The following MAGI3 variants were observed in gnomAD, a reference collection of about 807,000 sequenced individuals.
The protein encoded by MAGI3 is membrane-associated guanylate kinase, WW and PDZ domain-containing protein 3.
A neutral mutation model predicts 121.8 loss-of-function variants in MAGI3; 43 were observed. The observed-to-expected ratio is 0.35, with a 90% CI of 0.28 to 0.46. MAGI3 has a LOEUF of 0.46. Among genes scored for constraint, MAGI3 ranks in the 20% least tolerant of loss-of-function variants. The pLI is 1.00. For synonymous variants in MAGI3, 553 were observed against 639.3 expected (o/e 0.86, Z 2.04); for missense variants, 1,547 against 1,797.3 (o/e 0.86, Z 2.52).
intron 1 of MAGI3, among the ~76,000 whole-genome samples, chr1:113,517,278 T>A (rs1208766470): frequency 9.2e-5 from 14 of 151,944 alleles, no homozygotes; most frequent in Admixed American, 9.2e-4. Context: ...AACTCTATAC[T>A]ATCTTTACGA....
intron 6 of MAGI3, among the ~76,000 whole-genome samples, chr1:113,602,292 A>G (rs1649451747): frequency 6.6e-6 from 1 of 152,204 alleles, no homozygotes; most frequent in African/African-American, 2.4e-5. Context: ...GAATAAAACT[A>G]GAAATCAACT....
At chr1:113,671,661 C>A in intron 16 of MAGI3, 73 bp from the exon 17 acceptor site, 2 of 1,406,412 alleles carry the variant, frequency 1.4e-6, no homozygotes, top group Non-Finnish European at 2.0e-6. Context: ...TATTGTCTCA[C>A]CTTCACAGAT....
chr1:113,584,527 CT>C (rs149220325), intron 3 of MAGI3, among the ~76,000 whole-genome samples: 15,664 of 152,132 alleles, frequency 0.1, 1,035 homozygotes, highest in East Asian at 0.19. Context: ...CTCAGAAAAA[CT>C]TTTAAAAATT....
At chr1:113,575,268 A>G (rs1309844923) in intron 2 of MAGI3, among the ~76,000 whole-genome samples, 1 of 152,154 alleles carries the variant, frequency 6.6e-6, no homozygotes, top group Non-Finnish European at 1.5e-5. Flanking sequence ...GAGAAGAAGC[A>G]TTCTGGTTTT....
chr1:113,551,494 G>GT (rs953546234), intron 2 of MAGI3, among the ~76,000 whole-genome samples: 8 of 152,060 alleles, frequency 5.3e-5, no homozygotes, highest in Admixed American at 2.0e-4. Context: ...AATATTTTTT[G>GT]TTTTTTTAAT....
At chr1:113,443,794 TACAG>T (rs903703742) in intron 1 of MAGI3, among the ~76,000 whole-genome samples, 15 of 152,256 alleles carry the variant, frequency 9.9e-5, no homozygotes, top group African/African-American at 3.1e-4. Context: ...ACAAGTTTCT[TACAG>T]ACAGACTATA....
intron 1 of MAGI3, among the ~76,000 whole-genome samples, chr1:113,416,242 A>AATTAATGACACATATTAATTG (rs1557744275): frequency 8.2e-6 from 1 of 121,618 alleles, no homozygotes; most frequent in Non-Finnish European, 1.8e-5. Context: ...CATATTAATT[A>AATTAATGACACATATTAATTG]TGTAATTAAT....
At chr1:113,456,044 G>A (rs533558290) in intron 1 of MAGI3, among the ~76,000 whole-genome samples, 95 of 151,338 alleles carry the variant, frequency 6.3e-4, no homozygotes, top group African/African-American at 1.9e-3. Context: ...TCTGCCTCCC[G>A]GGTTCACGCC....
rs1204381283 is a variant in MAGI3 at position 113,619,830 on chromosome 1, G to C, written c.1171G>C (p.Asp391His). The change falls in exon 8 of 21, where the codon GAT (aspartate) becomes CAT (histidine). Residue 391 changes from aspartate to histidine, a missense_variant and splice_region_variant. By Grantham distance (81) the Asp-to-His change is moderately conservative. Transcript: ENST00000307546. ...GQVEIGSSKP[D>H]MEKSHFTRDP... ...GGTTGAAATTGGGTCTTCAAAACCA[G>C]GTAAGCATTCTTTTCAATCTTTTCT... The C allele has an allele frequency of 6.3e-7, 1 of 1,598,712 alleles. No individual in the cohort carries two copies. The highest frequency in any genetic ancestry group is 1.3e-5 in the African/African-American group (1 of 74,470).
intron 6 of MAGI3, among the ~76,000 whole-genome samples, chr1:113,607,176 A>G (rs1425960394): frequency 6.6e-6 from 1 of 152,172 alleles, no homozygotes; most frequent in Non-Finnish European, 1.5e-5. Flanking sequence ...AGAAAATATT[A>G]GAACTAATTT....
At chr1:113,665,237 A>G (rs899374624) in intron 16 of MAGI3, among the ~76,000 whole-genome samples, 1 of 152,160 alleles carries the variant, frequency 6.6e-6, no homozygotes, top group African/African-American at 2.4e-5. Context: ...ACCAGCTATT[A>G]GACAGCACTT....
chr1:113,542,197 T>C (rs575978160), intron 1 of MAGI3, among the ~76,000 whole-genome samples: 1 of 152,232 alleles, frequency 6.6e-6, no homozygotes, highest in African/African-American at 2.4e-5. Flanking sequence ...ACATATACTA[T>C]GTTTTTTGAT....
At chr1:113,555,735 C>CA (rs924919417) in intron 2 of MAGI3, among the ~76,000 whole-genome samples, 12 of 151,240 alleles carry the variant, frequency 7.9e-5, no homozygotes, top group Middle Eastern at 3.4e-3. Context: ...CCCGTCTCTA[C>CA]AAAAAAAAAT....
intron 6 of MAGI3, among the ~76,000 whole-genome samples, chr1:113,613,955 T>C (rs1650311855): frequency 6.6e-6 from 1 of 152,194 alleles, no homozygotes; most frequent in African/African-American, 2.4e-5. Flanking sequence ...GGTTATATTT[T>C]ATTGGTCACT....
chr1:113,553,594 C>T (rs980666366), intron 2 of MAGI3, among the ~76,000 whole-genome samples: 1 of 152,152 alleles, frequency 6.6e-6, no homozygotes, highest in Admixed American at 6.5e-5. Context: ...GATAAAGCTC[C>T]TCTAGGCCTG....
chr1:113,525,969 T>G (rs1012034232), intron 1 of MAGI3, among the ~76,000 whole-genome samples: 1 of 152,080 alleles, frequency 6.6e-6, no homozygotes, highest in Non-Finnish European at 1.5e-5. Flanking sequence ...ACCACTGCAC[T>G]CTAGCCTGGT....
In MAGI3 at chr1:113,580,673, A is replaced by C. The variant is rs768598630; in HGVS notation, c.553+12A>C. ...TGGGACATATGATGGTATGTCCCCAAATAACATCACTACCACCCAAAAAAC... is the reference window on the plus strand; with the variant it reads ...TGGGACATATGATGGTATGTCCCCACATAACATCACTACCACCCAAAAAAC... On this transcript the variant is annotated intron_variant, in intron 3 of 20. Coordinates refer to ENST00000307546, the MANE Select transcript of MAGI3 (RefSeq NM_001142782.2). The C allele has an allele frequency of 1.3e-6, 2 of 1,593,628 alleles. No individual in the cohort carries two copies. Among genetic ancestry groups the C allele is most frequent in the South Asian group, 2.3e-5 (2 of 87,150 alleles).
intron 1 of MAGI3, among the ~76,000 whole-genome samples, chr1:113,424,117 G>A (rs1357260596): frequency 2.0e-5 from 3 of 152,112 alleles, no homozygotes; most frequent in Admixed American, 6.5e-5. Flanking sequence ...TGCCAACTCA[G>A]TAGGGCGCAG....
chr1:113,471,575 G>C (rs115646812), intron 1 of MAGI3, among the ~76,000 whole-genome samples: 141 of 152,032 alleles, frequency 9.3e-4, no homozygotes, highest in Non-Finnish European at 1.7e-3. Flanking sequence ...CAAGGAGAAG[G>C]AGTACACTCT....
Sources: gnomAD v4.1 joint callset for allele counts (sites outside exome capture counted in the v4.1 genomes callset) on GRCh38, gnomAD v4.1.1 for gene constraint, MANE v1.5 for transcripts, NCBI Gene and HGNC (gene_info 2026-07-23, HGNC 2026-07-21) for gene names.